The following CREB5 variants were observed in gnomAD, a reference collection of about 807,000 sequenced individuals.
CREB5 encodes the protein cAMP responsive element binding protein 5.
CREB5 carries 19 observed loss-of-function variants against 57.1 expected under a neutral mutation model. That is an observed-to-expected ratio of 0.33 (90% CI 0.23 to 0.49). The LOEUF (loss-of-function observed/expected upper bound fraction) is 0.49, where lower values mean the gene tolerates loss of function less well. Among genes scored for constraint, CREB5 ranks in the 20% least tolerant of loss-of-function variants. The probability of loss-of-function intolerance (pLI) is 0.99; values close to 1 mark genes in which losing one functional copy is unlikely to be tolerated. For synonymous variants in CREB5, 238 were observed against 238.3 expected (o/e 1.00, Z 0.01); for missense variants, 579 against 671.6 (o/e 0.86, Z 1.52).
intron 2 of CREB5, among the ~76,000 whole-genome samples, chr7:28,490,508 C>T (rs1006642893): frequency 6.6e-6 from 1 of 152,188 alleles, no homozygotes; most frequent in African/African-American, 2.4e-5. Context: ...TAAGCCATAT[C>T]TAATATTTAG....
At chr7:28,428,400 G>A (rs911935508) in intron 1 of CREB5, among the ~76,000 whole-genome samples, 1 of 152,104 alleles carries the variant, frequency 6.6e-6, no homozygotes, top group Admixed American at 6.6e-5. Context: ...TAGGAGCAAG[G>A]GTGGCAGCTG....
intron 9 of CREB5, among the ~76,000 whole-genome samples, chr7:28,816,263 G>C (rs1562661491): frequency 6.6e-6 from 1 of 152,118 alleles, no homozygotes; most frequent in Non-Finnish European, 1.5e-5. Context: ...AGTCAAAGAG[G>C]AAGAAGTTAG....
chr7:28,683,851 T>C (rs551268512), intron 5 of CREB5, among the ~76,000 whole-genome samples: 5 of 152,302 alleles, frequency 3.3e-5, no homozygotes, highest in Admixed American at 1.3e-4. Context: ...GGCCCTCTAA[T>C]GTGGTATAAG....
intron 7 of CREB5, among the ~76,000 whole-genome samples, chr7:28,790,707 G>T (rs1807651629): frequency 1.3e-5 from 2 of 152,196 alleles, no homozygotes; most frequent in Admixed American, 1.3e-4. Context: ...AGCAACATCT[G>T]CCTAGCAGAA....
At chr7:28,765,155 G>C (rs1487757468) in intron 7 of CREB5, among the ~76,000 whole-genome samples, 1 of 152,172 alleles carries the variant, frequency 6.6e-6, no homozygotes, top group Non-Finnish European at 1.5e-5. Flanking sequence ...TCTTATAAAT[G>C]TGTGTTTACC....
chr7:28,590,531 G>A, intron 5 of CREB5, among the ~76,000 whole-genome samples: 1 of 108,234 alleles, frequency 9.2e-6, no homozygotes, highest in Non-Finnish European at 1.8e-5. Context: ...CCTGTTGTGG[G>A]GTGGGGGGAG....
Position 28,560,855 on chromosome 7 carries a change from T to TCC in CREB5, c.292-9510_292-9509insCC, listed in dbSNP as rs1412807256. On this transcript the variant is annotated intron_variant, in intron 4 of 10. Transcript: ENST00000357727. ...GCGCGTGTGTGTGTGCGCGTGTGTG[T>TCC]GTGCGTGTGCCTGCGTGCGCGTGCG... 2.1e-4 allele frequency among the ~76,000 whole-genome samples: 12 copies of TCC among 56,430 alleles called. 1 individual carries two copies. Among genetic ancestry groups the TCC allele is most frequent in the African/African-American group, 8.5e-4 (12 of 14,188 alleles). The allele number at this position is 56,430 out of a possible 152,430, so 37.0% of individuals were successfully genotyped here. A position where few individuals can be genotyped will look rare whatever the true frequency, so the allele number is the denominator to read the frequency against.
At chr7:28,575,073 A>G (rs1293966362) in intron 5 of CREB5, among the ~76,000 whole-genome samples, 1 of 152,232 alleles carries the variant, frequency 6.6e-6, no homozygotes, top group Non-Finnish European at 1.5e-5. Context: ...GTGCCTCTTT[A>G]TCCCTTTTCT....
Position 28,560,992 on chromosome 7 carries a change from GTGCC to G in CREB5, c.292-9369_292-9366del, listed in dbSNP as rs1242039661. Among the ~76,000 whole-genome samples the G allele has an allele frequency of 5.9e-5, 3 of 51,132 alleles. 1 individual carries two copies. The highest frequency in any genetic ancestry group is 9.6e-5 in the Non-Finnish European group (2 of 20,838). 33.5% of individuals were successfully genotyped at this position (51,132 alleles called of 152,430 possible). A position where few individuals can be genotyped will look rare whatever the true frequency, so the allele number is the denominator to read the frequency against. Reference sequence around the variant, plus strand: ...TGTGTGCGTGTGTGCGTGCGTGTGTGTGCCTGCGTGTGCGTGTGTGTGTGCGTGT... The same window carrying G: ...TGTGTGCGTGTGTGCGTGCGTGTGTGTGCGTGTGCGTGTGTGTGTGCGTGT... On this transcript the variant is annotated intron_variant, in intron 4 of 10. Transcript: ENST00000357727.
chr7:28,816,505 A>G (rs1037084505), intron 9 of CREB5, among the ~76,000 whole-genome samples: 18 of 152,252 alleles, frequency 1.2e-4, no homozygotes, highest in African/African-American at 3.9e-4. Flanking sequence ...TTGTAAAAAT[A>G]AAGTTTGGAA....
intron 5 of CREB5, among the ~76,000 whole-genome samples, chr7:28,666,805 A>G (rs1006410762): frequency 2.0e-5 from 3 of 151,906 alleles, no homozygotes; most frequent in Admixed American, 2.0e-4. Flanking sequence ...AAAATTAGCC[A>G]GGAGTGTGTC....
At chr7:28,459,642 T>A (rs527360430) in intron 1 of CREB5, among the ~76,000 whole-genome samples, 4 of 152,304 alleles carry the variant, frequency 2.6e-5, no homozygotes, top group African/African-American at 9.6e-5. Context: ...ATTTATGGAT[T>A]GGCTGATGTG....
At chr7:28,631,860 T>C (rs917438929) in intron 5 of CREB5, among the ~76,000 whole-genome samples, 2 of 152,078 alleles carry the variant, frequency 1.3e-5, no homozygotes, top group African/African-American at 4.8e-5. Context: ...CCAGGGATGG[T>C]GTCTCGGAAG....
intron 5 of CREB5, among the ~76,000 whole-genome samples, chr7:28,661,032 C>T (rs1218781173): frequency 2.8e-5 from 4 of 142,734 alleles, no homozygotes; most frequent in Non-Finnish European, 3.0e-5. Context: ...ACTTTTTCAG[C>T]TTTTATCCCT....
intron 1 of CREB5, among the ~76,000 whole-genome samples, chr7:28,432,307 C>A (rs897289332): frequency 7.9e-5 from 12 of 152,018 alleles, no homozygotes; most frequent in African/African-American, 2.9e-4. Context: ...AGAAAAACAC[C>A]CAGTGTAGGA....
intron 1 of CREB5, among the ~76,000 whole-genome samples, chr7:28,318,464 G>A (rs1050239385): frequency 5.3e-5 from 8 of 152,250 alleles, no homozygotes; most frequent in Non-Finnish European, 7.3e-5. Context: ...TTTACTGCAT[G>A]CCTTGAGGCA....
intron 5 of CREB5, among the ~76,000 whole-genome samples, chr7:28,582,283 G>A (rs1340203860): frequency 6.6e-6 from 1 of 152,204 alleles, no homozygotes; most frequent in Non-Finnish European, 1.5e-5. Flanking sequence ...TAGGGGTAGA[G>A]AAAGGCCAAG....
rs1554344364 is a variant in CREB5, at chr7:28,560,877, T to TGTGC, written c.292-9487_292-9486insTGCG. On this transcript the variant is annotated intron_variant, in intron 4 of 10. Coordinates refer to ENST00000357727, the MANE Select transcript of CREB5 (RefSeq NM_182898.4). ...GTGTGTGCGTGTGCCTGCGTGCGCGTGCGTGCGTGCGTGTGTGTGCGTGCG... is the reference window on the plus strand; with the variant it reads ...GTGTGTGCGTGTGCCTGCGTGCGCGTGTGCGCGTGCGTGCGTGTGTGTGCGTGCG... Among the ~76,000 whole-genome samples the TGTGC allele has an allele frequency of 5.7e-3, 175 of 30,850 alleles. 27 individuals are homozygous for TGTGC. The highest frequency in any genetic ancestry group is 8.0e-3 in the Non-Finnish European group (139 of 17,456). 20.2% of individuals were successfully genotyped at this position (30,850 alleles called of 152,430 possible).
intron 1 of CREB5, among the ~76,000 whole-genome samples, chr7:28,391,191 C>G (rs1787209043): frequency 6.6e-6 from 1 of 152,160 alleles, no homozygotes. Context: ...AATATTACAT[C>G]ATAATTTTAT....
Sources: allele counts gnomAD v4.1 joint callset (sites outside exome capture counted in the v4.1 genomes callset), GRCh38; gene constraint gnomAD v4.1.1; transcripts MANE v1.5; gene names NCBI Gene and HGNC (gene_info 2026-07-23, HGNC 2026-07-21).